The following HSD17B3 variants were observed in gnomAD, a reference collection of about 807,000 sequenced individuals.
The protein encoded by HSD17B3 is hydroxysteroid 17-beta dehydrogenase 3.
In HSD17B3, 29 loss-of-function variants were observed where a neutral mutation model predicts 41.1. The observed-to-expected ratio is 0.71, with a 90% CI of 0.53 to 0.96. The LOEUF (loss-of-function observed/expected upper bound fraction) is 0.96, where lower values mean the gene tolerates loss of function less well. Among genes scored for constraint, HSD17B3 ranks in the 40% least tolerant of loss-of-function variants. HSD17B3 has a pLI of 0.00. For missense variants in HSD17B3, 323 were observed against 374.6 expected (o/e 0.86, Z 1.14); for synonymous variants, 126 against 145.6 (o/e 0.87, Z 0.97).
At chr9:96,262,056 G>A (rs560569374) in intron 2 of HSD17B3, among the ~76,000 whole-genome samples, 12 of 152,060 alleles carry the variant, frequency 7.9e-5, no homozygotes, top group Admixed American at 3.3e-4. Flanking sequence ...CAGGAGTGGC[G>A]GCAGAGAAAG....
At chr9:96,238,800 G>A (rs577912312) in intron 10 of HSD17B3, among the ~76,000 whole-genome samples, 33 of 152,344 alleles carry the variant, frequency 2.2e-4, no homozygotes, top group East Asian at 9.6e-4. Flanking sequence ...AAGGCCTGGC[G>A]CATGAAGGAT....
intron 2 of HSD17B3, among the ~76,000 whole-genome samples, chr9:96,255,717 T>C (rs1244369338): frequency 2.6e-5 from 4 of 152,196 alleles, no homozygotes; most frequent in Non-Finnish European, 4.4e-5. Flanking sequence ...AGCTGCTTCC[T>C]ATGCACAAGT....
chr9:96,280,308 G>A (rs1826638606), intron 2 of HSD17B3, among the ~76,000 whole-genome samples: 1 of 152,162 alleles, frequency 6.6e-6, no homozygotes, highest in Non-Finnish European at 1.5e-5. Context: ...GGGTAGAAGT[G>A]CCTGTACAAC....
At chr9:96,250,211 A>G in intron 5 of HSD17B3, 1 of 1,138,462 alleles carries the variant, frequency 8.8e-7, no homozygotes, top group Non-Finnish European at 1.1e-6. Context: ...AGAAACCACT[A>G]GAATGACCAA....
intron 3 of HSD17B3, among the ~76,000 whole-genome samples, chr9:96,253,331 C>T (rs998770428): frequency 6.6e-6 from 1 of 152,156 alleles, no homozygotes; most frequent in African/African-American, 2.4e-5. Flanking sequence ...TGCTCAAGTT[C>T]GAGACCCCAG....
intron 2 of HSD17B3, among the ~76,000 whole-genome samples, chr9:96,271,734 T>C (rs1002976858): frequency 7.2e-5 from 11 of 152,134 alleles, no homozygotes; most frequent in African/African-American, 2.7e-4. Context: ...TTGGGTTTTT[T>C]GTTGTTGTTG....
At chr9:96,281,303 C>T (rs1283816988) in intron 2 of HSD17B3, among the ~76,000 whole-genome samples, 3 of 152,068 alleles carry the variant, frequency 2.0e-5, no homozygotes, top group East Asian at 1.9e-4. Context: ...AAGAAGCCCC[C>T]GACCCAAAAA....
At chr9:96,249,591 CAG>C (rs1252561899) in intron 6 of HSD17B3, 158 bp downstream of exon 6, 4 of 673,662 alleles carry the variant, frequency 5.9e-6, no homozygotes, top group Non-Finnish European at 8.0e-6. Context: ...AGATGAAAAA[CAG>C]AACAAGACAA....
At chr9:96,239,486 TGA>T (rs1231806470) in intron 10 of HSD17B3, 23 of 152,214 alleles carry the variant, frequency 1.5e-4, no homozygotes, top group African/African-American at 5.5e-4. Flanking sequence ...CTTTGTAGTG[TGA>T]GTTACATTGG....
At chr9:96,238,085 T>C (rs533307696) in intron 10 of HSD17B3, among the ~76,000 whole-genome samples, 186 of 152,130 alleles carry the variant, frequency 1.2e-3, no homozygotes, top group Middle Eastern at 3.4e-3. Context: ...CTGCGGTGAG[T>C]TGTGATCCTG....
At chr9:96,283,505 AATC>A (rs906162196) in intron 2 of HSD17B3, among the ~76,000 whole-genome samples, 3 of 152,206 alleles carry the variant, frequency 2.0e-5, no homozygotes, top group Non-Finnish European at 4.4e-5. Context: ...TTGGTATAAA[AATC>A]ATACAGGGAG....
At chr9:96,280,013 C>A (rs1030246161) in intron 2 of HSD17B3, among the ~76,000 whole-genome samples, 7 of 152,168 alleles carry the variant, frequency 4.6e-5, no homozygotes, top group African/African-American at 1.7e-4. Context: ...TGGTGATCTG[C>A]CCGCCTGGGC....
At chr9:96,254,266 C>T (rs1294935824) in intron 3 of HSD17B3, among the ~76,000 whole-genome samples, 1 of 152,096 alleles carries the variant, frequency 6.6e-6, no homozygotes, top group Non-Finnish European at 1.5e-5. Flanking sequence ...TGACAAACAC[C>T]AGTAAGCATT....
At chr9:96,242,932 C>A (rs1836511309) in intron 9 of HSD17B3, among the ~76,000 whole-genome samples, 1 of 152,198 alleles carries the variant, frequency 6.6e-6, no homozygotes, top group Non-Finnish European at 1.5e-5. Flanking sequence ...CTGTGTAGGA[C>A]CATGCAAGCA....
chr9:96,296,823 CTT>C (rs1193191858), intron 2 of HSD17B3, among the ~76,000 whole-genome samples: 1 of 152,088 alleles, frequency 6.6e-6, no homozygotes, highest in Non-Finnish European at 1.5e-5. Flanking sequence ...AGGCAGATAA[CTT>C]GAGCTCAGGA....
At chr9:96,242,556 G>A (rs761877975) in intron 9 of HSD17B3, among the ~76,000 whole-genome samples, 18 of 152,192 alleles carry the variant, frequency 1.2e-4, no homozygotes, top group Non-Finnish European at 2.2e-4. Context: ...TGCATTCAGC[G>A]AGTATTTATT....
rs55707445 is a variant in HSD17B3, at chr9:96,300,209, GACACACAC to G, written c.154+1734_154+1741del. ...TCCTGACAGCATAATACCCCAAGAG[GACACACAC>G]ACACACACACACACACACACACACA... is the stretch of plus-strand genomic sequence containing the variant. On this transcript the variant is annotated intron_variant, in intron 1 of 10. Coordinates refer to ENST00000375263, the MANE Select transcript of HSD17B3 (RefSeq NM_000197.2). Among the ~76,000 whole-genome samples the G allele has an allele frequency of 4.8e-3, 554 of 116,366 alleles. 6 individuals are homozygous for G. The highest frequency in any genetic ancestry group is 0.014 in the African/African-American group (462 of 32,350). 76.3% of individuals were successfully genotyped at this position (116,366 alleles called of 152,430 possible).
intron 9 of HSD17B3, among the ~76,000 whole-genome samples, chr9:96,243,445 C>A (rs1217666395): frequency 1.3e-5 from 2 of 152,182 alleles, no homozygotes; most frequent in Non-Finnish European, 2.9e-5. Context: ...TAAGCTTTAC[C>A]CTGTAGCTGG....
Position 96,240,818 on chromosome 9 carries a change from C to T in HSD17B3, c.762G>A (p.Glu254=), listed in dbSNP as rs1271564257. 1.9e-6 allele frequency: 3 copies of T among 1,614,094 alleles called. No homozygotes were observed. In the African/African-American group the frequency reaches 4.0e-5, roughly 22 times the overall value. Residue 254 remains glutamate (E), a synonymous_variant, in exon 10 of 11, where the codon GAG becomes GAA. Transcript: ENST00000375263. The stretch of plus-strand genomic sequence containing the variant: ...CTCCAATTGTGACATAATTCAATGA[C>T]TCTTTGACAAACTCATCAGCAGTCT... The part of the protein sequence containing the change: ...ITKTADEFVK[E]SLNYVTIGGE...
Sources: gnomAD v4.1 joint callset for allele counts (sites outside exome capture counted in the v4.1 genomes callset) on GRCh38, gnomAD v4.1.1 for gene constraint, MANE v1.5 for transcripts, NCBI Gene and HGNC (gene_info 2026-07-23, HGNC 2026-07-21) for gene names.